PKD1L3: variants seen among roughly 807,000 people sequenced by gnomAD.
The protein encoded by PKD1L3 is polycystin 1 like 3, transient receptor potential channel interacting.
Under a neutral mutation model 184.1 loss-of-function variants are expected in PKD1L3, and 239 were observed. The observed-to-expected ratio is 1.30, with a 90% CI of 1.17 to 1.45. The LOEUF is 1.45. Ranked by LOEUF, PKD1L3 falls within the 40% of genes most tolerant of loss-of-function variation. PKD1L3 has a pLI of 0.00. For synonymous variants in PKD1L3, 996 were observed against 778.8 expected, an observed-to-expected ratio of 1.28 and a Z score of -4.64; for missense variants, 2,660 against 2,067.2, an observed-to-expected ratio of 1.29 and a Z score of -5.56.
At position 71,977,333 on chromosome 16, in the gene PKD1L3, G is replaced by A; in HGVS notation, c.1662C>T (p.Pro554=). The A allele has an allele frequency of 6.5e-7, 1 of 1,546,892 alleles. No homozygotes were observed. Among genetic ancestry groups the A allele is most frequent in the Admixed American group, 2.0e-5 (1 of 50,972 alleles). The change falls in exon 11 of 30, where the codon CCC becomes CCT. Residue 554 remains proline, a synonymous_variant. Transcript: ENST00000620267. ...ACCCCAGGTAGAGTGTCATTAAAAG[G>A]GGACTGTCAGGATCTATGCTCACTA... ...SLIVSIDPDS[P]LLMTLYLGFQ...
intron 16 of PKD1L3, among the ~76,000 whole-genome samples, chr16:71,955,638 C>G (rs563742398): frequency 5.1e-4 from 78 of 152,056 alleles, no homozygotes; most frequent in African/African-American, 1.8e-3. Flanking sequence ...ACCACTACAC[C>G]TAATAGGGCT....
In PKD1L3 at chr16:71,933,982, C is replaced by G; in HGVS notation, c.4757G>C (p.Arg1586Pro). 1.3e-6 allele frequency: 2 copies of G among 1,551,642 alleles called. No homozygotes were observed. Among genetic ancestry groups the G allele is most frequent in the Non-Finnish European group, 1.7e-6 (2 of 1,147,000 alleles). The change falls in exon 27 of 30, where the codon CGA becomes CCA. Residue 1586 changes from arginine to proline, a missense_variant. By Grantham distance (103) the Arg-to-Pro change is moderately radical. Coordinates refer to ENST00000620267, the MANE Select transcript of PKD1L3 (RefSeq NM_181536.2). ...RLRVISRTLS[R>P]AWDEVVGFLL... is the part of the protein sequence containing the mutation. ...AAAGCCCACCACCTCGTCCCAGGCTCGGCTCAGTGTCCTGCTGATGACCCG... is the reference window on the plus strand; with the variant it reads ...AAAGCCCACCACCTCGTCCCAGGCTGGGCTCAGTGTCCTGCTGATGACCCG...
chr16:71,985,867 C>T (rs2040339609), intron 5 of PKD1L3, among the ~76,000 whole-genome samples: 6 of 152,084 alleles, frequency 3.9e-5, no homozygotes, highest in Admixed American at 3.9e-4. Flanking sequence ...AGCCTGGCTG[C>T]CTTGTCCATG....
intron 2 of PKD1L3, among the ~76,000 whole-genome samples, chr16:71,994,813 G>T (rs1453114232): frequency 6.6e-6 from 1 of 152,002 alleles, no homozygotes; most frequent in Non-Finnish European, 1.5e-5. Flanking sequence ...AGCCTGGCCA[G>T]GATGGTGAAA....
chr16:71,993,212 T>C lies in PKD1L3; in HGVS notation c.535+4A>G. 2 of 1,535,800 alleles carry C rather than the reference T, an allele frequency of 1.3e-6. No homozygotes were observed. Among genetic ancestry groups the C allele is most frequent in the Non-Finnish European group, 8.8e-7 (1 of 1,135,352 alleles). ...TTAAGGTTACTAGAGGAGTAACGCATTACCTGGGGGCATTTTGTCTCTTGC... is the reference window on the plus strand; with the variant it reads ...TTAAGGTTACTAGAGGAGTAACGCACTACCTGGGGGCATTTTGTCTCTTGC... On this transcript the variant is annotated splice_donor_region_variant and intron_variant, in intron 3 of 29. Transcript: ENST00000620267.
rs1194061486 is a variant in PKD1L3, at chr16:71,967,232, C to T, written c.2370G>A (p.Gly790=). The change falls in exon 15 of 30, where the codon GGG becomes GGA. Residue 790 remains glycine, a synonymous_variant. Coordinates refer to ENST00000620267, the MANE Select transcript of PKD1L3 (RefSeq NM_181536.2). The part of the protein sequence containing the change: ...CDPQKTVFER[G]GLDVFLLTTW... ...TGGTGAGAAGGAAGACATCCAGGCC[C>T]CCTCGTTCAAAGACTGTCTTCTGGG... The T allele has an allele frequency of 1.9e-6, 3 of 1,551,644 alleles. No individual in the cohort carries two copies. In the South Asian group the frequency reaches 3.6e-5, roughly 18 times the overall value.
intron 3 of PKD1L3, among the ~76,000 whole-genome samples, chr16:71,992,894 T>C (rs1359314897): frequency 6.6e-6 from 1 of 152,246 alleles, no homozygotes; most frequent in Admixed American, 6.5e-5. Flanking sequence ...TTTTCAAAAT[T>C]AAATAAACAA....
chr16:71,954,603 A>C (rs1419822544), intron 16 of PKD1L3, among the ~76,000 whole-genome samples: 1 of 152,176 alleles, frequency 6.6e-6, no homozygotes, highest in East Asian at 1.9e-4. Context: ...AGTTTTGATG[A>C]ATTTTTTACT....
intron 23 of PKD1L3, among the ~76,000 whole-genome samples, chr16:71,943,390 T>A (rs1294775977): frequency 6.6e-6 from 1 of 151,650 alleles, no homozygotes; most frequent in East Asian, 1.9e-4. Context: ...ATACAAAAAT[T>A]AGCTGGGCGT....
rs1398787223 is a variant in PKD1L3, at chr16:71,950,202, T to C, written c.3299A>G (p.Asp1100Gly). The C allele has an allele frequency of 3.2e-6, 5 of 1,552,250 alleles. 1 individual carries two copies. The highest frequency in any genetic ancestry group is 4.4e-6 in the Non-Finnish European group (5 of 1,147,112). The change falls in exon 20 of 30, where the codon GAC becomes GGC. Residue 1100 changes from aspartate (D) to glycine (G), a missense_variant. Transcript: ENST00000620267. ...LGLTQGHQSC[D>G]FLDAASQLQK... is the part of the protein sequence containing the mutation. The stretch of plus-strand genomic sequence containing the variant: ...AAGTTGGCTGGCTGCATCTAGGAAG[T>C]CACAGGACTGGTGACCCTGGGTGAG...
At position 71,947,316 on chromosome 16, in the gene PKD1L3, G is replaced by A. The variant is rs1213136160; in HGVS notation, c.3718+176C>T. Among the ~76,000 whole-genome samples the A allele has an allele frequency of 2.6e-5, 4 of 152,144 alleles. No homozygotes were observed. In the East Asian group the frequency reaches 7.7e-4, roughly 29 times the overall value. On this transcript the variant is annotated intron_variant, in intron 22 of 29. Coordinates refer to ENST00000620267, the MANE Select transcript of PKD1L3 (RefSeq NM_181536.2). ...GATGAAGCACTGGGAGAGAGGATGT[G>A]ATGACTGAGGTGAAGATCCTCATCT...
Position 71,980,095 on chromosome 16 carries a change from T to A in PKD1L3, c.1183A>T (p.Asn395Tyr). The A allele has an allele frequency of 1.3e-6, 2 of 1,551,686 alleles. No homozygotes were observed. Among genetic ancestry groups the A allele is most frequent in the Non-Finnish European group, 1.7e-6 (2 of 1,146,972 alleles). Residue 395 changes from asparagine to tyrosine, a missense_variant, in exon 8 of 30, where the codon AAT becomes TAT. Physicochemically the swap from Asn to Tyr is moderately radical, Grantham distance 143 (BLOSUM62 -2). Coordinates refer to ENST00000620267, the MANE Select transcript of PKD1L3 (RefSeq NM_181536.2). ...ILEMSLVEFG[N>Y]IGEAFLEQNQ... Reference sequence around the variant, plus strand: ...TGCTCTAGAAATGCTTCCCCGATATTCCCAAACTCCACCAAGGACATTTCC... The same window carrying A: ...TGCTCTAGAAATGCTTCCCCGATATACCCAAACTCCACCAAGGACATTTCC...
At chr16:71,941,283 T>C (rs2038351878) in intron 24 of PKD1L3, among the ~76,000 whole-genome samples, 1 of 151,916 alleles carries the variant, frequency 6.6e-6, no homozygotes, top group Non-Finnish European at 1.5e-5. Context: ...TAAGAGGATA[T>C]TGCATCCGTA....
At chr16:71,983,549 CAATTT>C (rs1268297164) in intron 6 of PKD1L3, among the ~76,000 whole-genome samples, 11 of 151,448 alleles carry the variant, frequency 7.3e-5, no homozygotes, top group African/African-American at 2.7e-4. Flanking sequence ...CACTACTGAT[CAATTT>C]AATTCATAAC....
chr16:71,981,534 T>A (rs1334480972), intron 7 of PKD1L3, among the ~76,000 whole-genome samples: 4 of 111,404 alleles, frequency 3.6e-5, no homozygotes, highest in Non-Finnish European at 1.8e-5. Context: ...TTTCCTAAAT[T>A]CTTTTTTTTT....
At position 71,950,169 on chromosome 16, in the gene PKD1L3, A is replaced by G; in HGVS notation, c.3332T>C (p.Leu1111Pro). The G allele has an allele frequency of 6.4e-7, 1 of 1,552,186 alleles. No homozygotes were observed. The highest frequency in any genetic ancestry group is 8.7e-7 in the Non-Finnish European group (1 of 1,147,098). ...AATATGTGTTTCCAAGAGTTCCTGG[A>G]GTTTTTGAAGTTGGCTGGCTGCATC... ...FLDAASQLQKLQELLETHILP... is the reference protein window; with the variant it reads ...FLDAASQLQKPQELLETHILP... The change falls in exon 20 of 30, where the codon CTC becomes CCC. Residue 1111 changes from leucine (L) to proline (P), a missense_variant. Physicochemically the swap from Leu to Pro is moderately conservative, Grantham distance 98 (BLOSUM62 -3). Coordinates refer to ENST00000620267, the MANE Select transcript of PKD1L3 (RefSeq NM_181536.2).
chr16:71,943,537 CAAAAAAAAAAA>C (rs10693124), intron 23 of PKD1L3, among the ~76,000 whole-genome samples: 3 of 84,544 alleles, frequency 3.5e-5, no homozygotes, highest in East Asian at 3.4e-4. Context: ...GACTCCGTCT[CAAAAAAAAAAA>C]AAAAAAAAAA....
chr16:71,969,178 G>T (rs138526434), intron 13 of PKD1L3, among the ~76,000 whole-genome samples: 18,652 of 151,946 alleles, frequency 0.12, 1,597 homozygotes, highest in East Asian at 0.26. Context: ...TGATCCACCT[G>T]CCTCGGCCTC....
At chr16:71,986,782 C>T (rs552349259) in intron 4 of PKD1L3, among the ~76,000 whole-genome samples, 3 of 152,146 alleles carry the variant, frequency 2.0e-5, no homozygotes, top group South Asian at 2.1e-4. Context: ...CTGCGCTTGT[C>T]GAGCCCCTGT....
Sources: gnomAD v4.1 joint callset for allele counts (sites outside exome capture counted in the v4.1 genomes callset) on GRCh38, gnomAD v4.1.1 for gene constraint, MANE v1.5 for transcripts, NCBI Gene and HGNC (gene_info 2026-07-23, HGNC 2026-07-21) for gene names.